CD2AP: variants seen among roughly 807,000 people sequenced by gnomAD.
The protein encoded by CD2AP is CD2 associated protein.
CD2AP carries 46 observed loss-of-function variants against 85.1 expected under a neutral mutation model. The ratio of observed to expected loss-of-function variants is 0.54; its 90% CI spans 0.43 to 0.69. CD2AP has a LOEUF of 0.69. CD2AP is among the 30% of genes least tolerant of loss of function. CD2AP has a pLI of 0.00. For missense variants in CD2AP, 769 were observed against 729.5 expected (o/e 1.05, Z -0.62); for synonymous variants, 255 against 252.9 (o/e 1.01, Z -0.08).
intron 1 of CD2AP, among the ~76,000 whole-genome samples, chr6:47,500,281 C>G (rs1434582539): frequency 6.6e-6 from 1 of 152,044 alleles, no homozygotes; most frequent in African/African-American, 2.4e-5. Flanking sequence ...AGTAATTTCC[C>G]TGTTTTAGCC....
At chr6:47,532,659 A>G (rs1051171785) in intron 2 of CD2AP, among the ~76,000 whole-genome samples, 2 of 152,008 alleles carry the variant, frequency 1.3e-5, no homozygotes, top group Admixed American at 6.5e-5. Flanking sequence ...CTATCGTTAT[A>G]GTTTTCCTTT....
At chr6:47,500,307 G>A (rs959220347) in intron 1 of CD2AP, among the ~76,000 whole-genome samples, 2 of 152,140 alleles carry the variant, frequency 1.3e-5, no homozygotes, top group East Asian at 1.9e-4. Flanking sequence ...TGCATTTCAT[G>A]TGAGCCTACG....
intron 15 of CD2AP, 83 bp downstream of exon 15, chr6:47,608,111 T>A: frequency 1.1e-6 from 1 of 950,112 alleles, no homozygotes; most frequent in Non-Finnish European, 1.7e-6. Context: ...AGGTGTTCTT[T>A]AGGACGAATT....
intron 5 of CD2AP, among the ~76,000 whole-genome samples, chr6:47,559,193 A>G (rs1024475611): frequency 3.4e-5 from 5 of 148,444 alleles, no homozygotes; most frequent in African/African-American, 9.9e-5. Flanking sequence ...TTTTTTATCC[A>G]TGTCTATTTG....
At chr6:47,571,029 TTTTTG>T in intron 5 of CD2AP, among the ~76,000 whole-genome samples, 1 of 152,304 alleles carries the variant, frequency 6.6e-6, no homozygotes, top group East Asian at 1.9e-4. Context: ...CCTGCCTTTT[TTTTTG>T]TTTTATGGCC....
At position 47,611,986 on chromosome 6, in the gene CD2AP, A is replaced by G. The variant is rs576930415; in HGVS notation, c.1815-487A>G. Among the ~76,000 whole-genome samples the G allele has an allele frequency of 4.1e-4, 62 of 151,882 alleles. No homozygotes were observed. In the South Asian group the frequency reaches 0.012, roughly 28 times the overall value. ...TGAAAAGATGAGTTGAGGAGAGACT[A>G]TTGGCTAGAGTTTTTAATTTGTTTG... On this transcript the variant is annotated intron_variant, in intron 16 of 17. Transcript: ENST00000359314.
chr6:47,602,824 T>C (rs1454597220), intron 13 of CD2AP, among the ~76,000 whole-genome samples: 1 of 151,790 alleles, frequency 6.6e-6, no homozygotes, highest in East Asian at 1.9e-4. Context: ...TTCTTAAAGC[T>C]GAGAGTTGGA....
At chr6:47,564,386 A>G (rs981208992) in intron 5 of CD2AP, among the ~76,000 whole-genome samples, 3 of 152,160 alleles carry the variant, frequency 2.0e-5, no homozygotes, top group Admixed American at 6.5e-5. Flanking sequence ...TAAAGTTTGT[A>G]TGGGACCACC....
rs1768940412 is a variant in CD2AP at position 47,596,162 on chromosome 6, A to T, written c.1274+136A>T. On this transcript the variant is annotated intron_variant, in intron 12 of 17. Coordinates refer to ENST00000359314, the MANE Select transcript of CD2AP (RefSeq NM_012120.3). The stretch of plus-strand genomic sequence containing the variant: ...ATTTATTTTTAAAATTGACATATAC[A>T]ATTGTGTGTATTTATTGTATACAAC... 1.3e-5 allele frequency: 9 copies of T among 690,224 alleles called. No individual in the cohort carries two copies. The South Asian group carries it at 1.5e-4, about 12-fold the overall frequency. 42.8% of individuals were successfully genotyped at this position (690,224 alleles called of 1,614,324 possible). A position where few individuals can be genotyped will look rare whatever the true frequency, so the allele number is the denominator to read the frequency against.
At chr6:47,573,892 G>A (rs898383133) in intron 5 of CD2AP, among the ~76,000 whole-genome samples, 172 bp from the exon 6 acceptor site, 1 of 152,132 alleles carries the variant, frequency 6.6e-6, no homozygotes, top group Non-Finnish European at 1.5e-5. Flanking sequence ...AAAAAAGTCT[G>A]TGTAAATTGC....
At chr6:47,519,013 T>G (rs1190477263) in intron 2 of CD2AP, among the ~76,000 whole-genome samples, 1 of 152,242 alleles carries the variant, frequency 6.6e-6, no homozygotes, top group Non-Finnish European at 1.5e-5. Context: ...ACTCATTTAT[T>G]TATTCAGATA....
At chr6:47,573,511 C>T (rs373844312) in intron 5 of CD2AP, among the ~76,000 whole-genome samples, 54 of 107,228 alleles carry the variant, frequency 5.0e-4, no homozygotes, top group African/African-American at 1.3e-3. Flanking sequence ...TTTTTTGAGA[C>T]GGAGTCTTGC....
At chr6:47,607,873 A>G in intron 14 of CD2AP, 54 bp from the exon 15 acceptor site, 3 of 1,193,726 alleles carry the variant, frequency 2.5e-6, no homozygotes, top group Middle Eastern at 1.9e-4. Flanking sequence ...AAGACTTACT[A>G]CCTTTTCTTT....
At chr6:47,486,570 T>C (rs565269931) in intron 1 of CD2AP, among the ~76,000 whole-genome samples, 29 of 149,924 alleles carry the variant, frequency 1.9e-4, no homozygotes, top group African/African-American at 7.4e-4. Flanking sequence ...ATATACTGAG[T>C]ACTGGCAGTA....
chr6:47,546,497 A>C (rs1432035240), intron 4 of CD2AP, among the ~76,000 whole-genome samples: 1 of 152,274 alleles, frequency 6.6e-6, no homozygotes, highest in East Asian at 1.9e-4. Context: ...GAAGTTTAAG[A>C]ACACTTGGGA....
intron 1 of CD2AP, among the ~76,000 whole-genome samples, chr6:47,497,345 C>T (rs1012390774): frequency 4.6e-4 from 61 of 132,274 alleles, no homozygotes; most frequent in Non-Finnish European, 5.4e-4. Context: ...CCCTTCCCTT[C>T]CCTCCCCTTC....
intron 1 of CD2AP, among the ~76,000 whole-genome samples, chr6:47,490,735 A>G (rs1326409136): frequency 1.3e-5 from 2 of 152,152 alleles, no homozygotes; most frequent in Non-Finnish European, 2.9e-5. Context: ...AGAATATAAT[A>G]CTGTGTAAAA....
intron 3 of CD2AP, among the ~76,000 whole-genome samples, chr6:47,543,409 C>T (rs986269892): frequency 2.6e-5 from 4 of 152,098 alleles, no homozygotes; most frequent in Admixed American, 6.5e-5. Context: ...TGTTAAAGTG[C>T]ACACTCTGAT....
intron 13 of CD2AP, among the ~76,000 whole-genome samples, chr6:47,604,239 C>A (rs1192923668): frequency 6.6e-6 from 1 of 151,994 alleles, no homozygotes; most frequent in Non-Finnish European, 1.5e-5. Flanking sequence ...TGTTATCCCT[C>A]TTAGGTAAAT....
Sources: gnomAD v4.1 joint callset for allele counts (sites outside exome capture counted in the v4.1 genomes callset) on GRCh38, gnomAD v4.1.1 for gene constraint, MANE v1.5 for transcripts, NCBI Gene and HGNC (gene_info 2026-07-23, HGNC 2026-07-21) for gene names.